VIT: variants seen among roughly 807,000 people sequenced by gnomAD.
VIT encodes the protein vitrin.
A neutral mutation model predicts 78.0 loss-of-function variants in VIT; 99 were observed. That is an observed-to-expected ratio of 1.27 (90% confidence interval 1.08 to 1.50). The LOEUF (loss-of-function observed/expected upper bound fraction) is 1.50. VIT is among the 40% of genes most tolerant of loss of function. The pLI is 0.00. For synonymous variants in VIT, 374 were observed against 334.3 expected (o/e 1.12, Z -1.29); for missense variants, 1,126 against 875.3 (o/e 1.29, Z -3.61).
chr2:36,775,123 T>C, intron 9 of VIT, 56 bp downstream of exon 9: 1 of 1,601,382 alleles, frequency 6.2e-7, no homozygotes, highest in Non-Finnish European at 8.5e-7. Context: ...CTGTGGCACT[T>C]TGCAAACATG....
intron 12 of VIT, among the ~76,000 whole-genome samples, chr2:36,797,258 G>T (rs1314465234): frequency 2.0e-5 from 3 of 152,168 alleles, no homozygotes; most frequent in African/African-American, 7.2e-5. Context: ...CTTGGAAGAG[G>T]CATTATAACT....
chr2:36,793,299 G>GA lies in VIT; in HGVS notation c.1058+6032dup, dbSNP rs200163894. ...GAGTGGAATTCTCATAGTTATTGCA[G>GA]AAAAAAAAACCCCACTCACTTAAAA... On this transcript the variant is annotated intron_variant, in intron 12 of 15. Coordinates refer to ENST00000379242, the MANE Select transcript of VIT (RefSeq NM_053276.4). Among the ~76,000 whole-genome samples, 728 of 151,014 alleles carry GA rather than the reference G, an allele frequency of 4.8e-3. 17 individuals carry two copies. In the East Asian group the frequency reaches 0.072, roughly 15 times the overall value.
intron 1 of VIT, among the ~76,000 whole-genome samples, chr2:36,699,418 T>C (rs1365421725): frequency 2.0e-5 from 3 of 152,118 alleles, no homozygotes; most frequent in African/African-American, 7.2e-5. Flanking sequence ...AAAATTATGG[T>C]ATATTTTAAA....
chr2:36,788,304 T>G (rs1181803908), intron 12 of VIT, among the ~76,000 whole-genome samples: 1 of 152,190 alleles, frequency 6.6e-6, no homozygotes, highest in Non-Finnish European at 1.5e-5. Flanking sequence ...CCTTCAGAGG[T>G]TTTATTTTAA....
chr2:36,702,701 C>A (rs1245184077), intron 1 of VIT, among the ~76,000 whole-genome samples: 4 of 152,150 alleles, frequency 2.6e-5, no homozygotes, highest in Non-Finnish European at 5.9e-5. Context: ...ACAGGCCTCA[C>A]TAGTTGGTAC....
chr2:36,708,209 A>G (rs1376190095), intron 1 of VIT, among the ~76,000 whole-genome samples: 1 of 151,524 alleles, frequency 6.6e-6, no homozygotes, highest in East Asian at 2.0e-4. Flanking sequence ...TCAGGCAGAG[A>G]TGAAGAAAGC....
intron 1 of VIT, among the ~76,000 whole-genome samples, chr2:36,697,753 C>T (rs1402794807): frequency 6.6e-6 from 1 of 152,224 alleles, no homozygotes; most frequent in Non-Finnish European, 1.5e-5. Context: ...CAACCCACAG[C>T]ATCTTTGCCA....
intron 9 of VIT, among the ~76,000 whole-genome samples, chr2:36,780,969 A>G (rs138433829): frequency 2.6e-5 from 4 of 152,288 alleles, no homozygotes; most frequent in Admixed American, 1.3e-4. Flanking sequence ...AAAAAAGATC[A>G]GAGATTATTG....
intron 3 of VIT, among the ~76,000 whole-genome samples, chr2:36,740,711 GA>G (rs769743226): frequency 5.0e-4 from 75 of 150,170 alleles, no homozygotes; most frequent in African/African-American, 1.8e-3. Flanking sequence ...TTTGTAAGGG[GA>G]AAAAAAAAGA....
At chr2:36,770,853 A>G (rs1242998048) in intron 7 of VIT, among the ~76,000 whole-genome samples, 2 of 152,220 alleles carry the variant, frequency 1.3e-5, no homozygotes, top group Non-Finnish European at 2.9e-5. Context: ...GAACTTGTCC[A>G]CAACCAAGGG....
intron 7 of VIT, among the ~76,000 whole-genome samples, chr2:36,772,342 G>C (rs1390796298): frequency 1.3e-5 from 2 of 152,148 alleles, no homozygotes; most frequent in African/African-American, 2.4e-5. Context: ...TTCAAGACCA[G>C]CCTGACCGAC....
At chr2:36,731,924 T>C (rs560536560) in intron 3 of VIT, among the ~76,000 whole-genome samples, 1 of 152,240 alleles carries the variant, frequency 6.6e-6, no homozygotes, top group South Asian at 2.1e-4. Context: ...AGCCTCCTTT[T>C]TTCTTCTGCT....
intron 4 of VIT, among the ~76,000 whole-genome samples, chr2:36,753,224 A>T (rs1463791208): frequency 6.6e-6 from 1 of 150,636 alleles, no homozygotes; most frequent in Admixed American, 6.6e-5. Flanking sequence ...GGGGTGGGGG[A>T]GGGAGAGCAT....
At chr2:36,708,394 A>G (rs1665585099) in intron 1 of VIT, among the ~76,000 whole-genome samples, 1 of 152,222 alleles carries the variant, frequency 6.6e-6, no homozygotes, top group South Asian at 2.1e-4. Context: ...GTAGCATTGT[A>G]GATCAGACAA....
intron 7 of VIT, among the ~76,000 whole-genome samples, chr2:36,771,947 C>T (rs1345775009): frequency 9.9e-5 from 15 of 152,168 alleles, no homozygotes; most frequent in Non-Finnish European, 1.5e-5. Flanking sequence ...GTGTGTTGTA[C>T]ATGAGAGCAT....
chr2:36,771,228 G>A (rs1325052593), intron 7 of VIT, among the ~76,000 whole-genome samples: 4 of 151,376 alleles, frequency 2.6e-5, no homozygotes, highest in Non-Finnish European at 5.9e-5. Flanking sequence ...TAAAAAAATT[G>A]TTATAAAAAT....
chr2:36,796,449 TAAC>T (rs959622907), intron 12 of VIT, among the ~76,000 whole-genome samples: 113 of 152,288 alleles, frequency 7.4e-4, no homozygotes, highest in African/African-American at 2.6e-3. Flanking sequence ...TTATAGAACG[TAAC>T]TGCCAAAACT....
At chr2:36,745,442 G>A (rs1668079835) in intron 4 of VIT, among the ~76,000 whole-genome samples, 1 of 152,118 alleles carries the variant, frequency 6.6e-6, no homozygotes, top group South Asian at 2.1e-4. Context: ...TCCACTCCAT[G>A]AGCATGGAAT....
rs371715195 is a variant in VIT, at chr2:36,726,694, C to T, written c.53-2732C>T. On this transcript the variant is annotated intron_variant, in intron 2 of 15. Coordinates refer to ENST00000379242, the MANE Select transcript of VIT (RefSeq NM_053276.4). ...ATTAGCCAGGTGTGGTGACGGGCGCCTGTAAGCCCAGCTACTCAGGAGGCT... is the reference window on the plus strand; with the variant it reads ...ATTAGCCAGGTGTGGTGACGGGCGCTTGTAAGCCCAGCTACTCAGGAGGCT... Among the ~76,000 whole-genome samples the T allele has an allele frequency of 1.1e-4, 16 of 152,048 alleles. No individual in the cohort carries two copies. The East Asian group carries it at 2.7e-3, about 26-fold the overall frequency.
Sources: allele counts gnomAD v4.1 joint callset (sites outside exome capture counted in the v4.1 genomes callset), GRCh38; gene constraint gnomAD v4.1.1; transcripts MANE v1.5; gene names NCBI Gene and HGNC (gene_info 2026-07-23, HGNC 2026-07-21).